Variants in TGFBR1 observed in about 807,000 individuals in gnomAD.
TGFBR1 encodes the protein transforming growth factor beta receptor 1.
Under a neutral mutation model 55.1 loss-of-function variants are expected in TGFBR1, and 20 were observed. The ratio of observed to expected loss-of-function variants is 0.36; its 90% CI spans 0.26 to 0.53. The LOEUF (loss-of-function observed/expected upper bound fraction) is 0.53, where lower values mean the gene tolerates loss of function less well. Ranked by LOEUF, TGFBR1 falls within the 20% of genes least tolerant of loss-of-function variation. The pLI is 0.91. For missense variants in TGFBR1, 385 were observed against 617.6 expected (o/e 0.62, Z 3.99); for synonymous variants, 220 against 214.8 (o/e 1.02, Z -0.21).
intron 7 of TGFBR1, 56 bp from the exon 8 acceptor site, chr9:99,147,598 C>A: frequency 6.5e-7 from 1 of 1,536,036 alleles, no homozygotes; most frequent in Non-Finnish European, 9.0e-7. Context: ...TCTTTTAATG[C>A]CTTGGCATTA....
At chr9:99,118,182 T>C (rs1348773328) in intron 1 of TGFBR1, among the ~76,000 whole-genome samples, 1 of 152,214 alleles carries the variant, frequency 6.6e-6, no homozygotes, top group Non-Finnish European at 1.5e-5. Context: ...AGTAACCTTA[T>C]ATTAGTGACC....
chr9:99,146,528 C>A lies in TGFBR1; in HGVS notation c.1174C>A (p.His392Asn). The A allele has an allele frequency of 1.2e-6, 2 of 1,613,898 alleles. No homozygotes were observed. Among genetic ancestry groups the A allele is most frequent in the East Asian group, 4.5e-5 (2 of 44,874 alleles). The stretch of plus-strand genomic sequence containing the variant: ...TCTCGATGATTCCATAAATATGAAA[C>A]ATTTTGAATCCTTCAAACGTGCTGA... ...EVLDDSINMK[H>N]FESFKRADIY... The change falls in exon 7 of 9, where the codon CAT (histidine) becomes AAT (asparagine). Residue 392 changes from histidine (H) to asparagine (N), a missense_variant. By Grantham distance (68) the His-to-Asn change is moderately conservative. Transcript: ENST00000374994.
upstream of TGFBR1, among the ~76,000 whole-genome samples, chr9:99,103,834 G>C (rs900508709): frequency 5.3e-5 from 8 of 152,218 alleles, no homozygotes; most frequent in Non-Finnish European, 8.8e-5. Context: ...CCGGAAGGAA[G>C]CCTTCACAGG....
At chr9:99,126,591 A>G (rs957282469) in intron 1 of TGFBR1, among the ~76,000 whole-genome samples, 2 of 152,354 alleles carry the variant, frequency 1.3e-5, no homozygotes, top group Admixed American at 6.5e-5. Flanking sequence ...TGTGGGTCAC[A>G]GACTCCATTG....
intron 7 of TGFBR1, among the ~76,000 whole-genome samples, chr9:99,147,253 A>C (rs924163279): frequency 1.3e-5 from 2 of 152,166 alleles, no homozygotes; most frequent in South Asian, 4.1e-4. Context: ...GGGACTTGGC[A>C]CCTTAAACTT....
intron 4 of TGFBR1, among the ~76,000 whole-genome samples, chr9:99,139,620 G>A (rs765520903): frequency 6.6e-6 from 1 of 152,124 alleles, no homozygotes; most frequent in Non-Finnish European, 1.5e-5. Flanking sequence ...AATGTAATTT[G>A]TATCTTCAAA....
chr9:99,106,195 A>C (rs1253116897), intron 1 of TGFBR1, among the ~76,000 whole-genome samples: 1 of 152,198 alleles, frequency 6.6e-6, no homozygotes, highest in Non-Finnish European at 1.5e-5. Flanking sequence ...CTTGAGTGAC[A>C]GTTAATAGTT....
At position 99,120,685 on chromosome 9, in the gene TGFBR1, A is replaced by G. The variant is rs11568752; in HGVS notation, c.98-8170A>G. 0.037 allele frequency among the ~76,000 whole-genome samples: 5,589 copies of G among 152,308 alleles called. 621 individuals are homozygous for G. The East Asian group carries it at 0.42, about 11-fold the overall frequency. On this transcript the variant is annotated intron_variant, in intron 1 of 8. Transcript: ENST00000374994. ...CATAGGTTGTTTTCAATCATAAAAT[A>G]CTGTAATGAACATCTGCAAGTTTAG...
At chr9:99,137,553 C>T (rs1827475494) in intron 3 of TGFBR1, among the ~76,000 whole-genome samples, 1 of 152,156 alleles carries the variant, frequency 6.6e-6, no homozygotes, top group Admixed American at 6.5e-5. Context: ...TTTCCCTCTA[C>T]CTTTGCCTGC....
intron 1 of TGFBR1, 70 bp from the exon 2 acceptor site, chr9:99,128,785 A>C: frequency 6.4e-7 from 1 of 1,573,904 alleles, no homozygotes; most frequent in Non-Finnish European, 8.7e-7. Context: ...ATGTATTATT[A>C]GAGTGAATAT....
At position 99,142,875 on chromosome 9, in the gene TGFBR1, A is replaced by G. The variant is rs537791553; in HGVS notation, c.973+172A>G. ...GGAGTTCATGGCCAGCCTGGGCAAC[A>G]TGACAAAACCGCATCTCTACCAACA... On this transcript the variant is annotated intron_variant, in intron 5 of 8. Coordinates refer to ENST00000374994, the MANE Select transcript of TGFBR1 (RefSeq NM_004612.4). Among the ~76,000 whole-genome samples the G allele has an allele frequency of 5.3e-5, 8 of 152,276 alleles. No homozygotes were observed. In the South Asian group the frequency reaches 1.0e-3, roughly 20 times the overall value.
At chr9:99,111,280 T>C (rs892711823) in intron 1 of TGFBR1, among the ~76,000 whole-genome samples, 28 of 144,484 alleles carry the variant, frequency 1.9e-4, no homozygotes, top group African/African-American at 7.1e-4. Context: ...ACATTTGGCA[T>C]ATCCTGCACC....
chr9:99,115,405 A>G (rs1325554817), intron 1 of TGFBR1, among the ~76,000 whole-genome samples: 2 of 152,246 alleles, frequency 1.3e-5, no homozygotes, highest in Non-Finnish European at 2.9e-5. Context: ...CTACATTATA[A>G]GATTCTTAAA....
intron 3 of TGFBR1, among the ~76,000 whole-genome samples, chr9:99,133,254 A>G (rs1335064716): frequency 6.6e-6 from 1 of 152,218 alleles, no homozygotes; most frequent in Non-Finnish European, 1.5e-5. Context: ...TTAAAATTAA[A>G]CTAATGAACT....
chr9:99,122,460 A>G (rs1291595574), intron 1 of TGFBR1, among the ~76,000 whole-genome samples: 1 of 152,072 alleles, frequency 6.6e-6, no homozygotes, highest in Non-Finnish European at 1.5e-5. Context: ...GACGTACTGA[A>G]ATGAGGCAAC....
intron 2 of TGFBR1, among the ~76,000 whole-genome samples, chr9:99,129,784 C>T (rs1827161518): frequency 6.6e-6 from 1 of 152,014 alleles, no homozygotes; most frequent in African/African-American, 2.4e-5. Context: ...CTTGTAATCC[C>T]ACCTACTTGG....
chr9:99,104,848 C>T (rs1326365037), upstream of TGFBR1, among the ~76,000 whole-genome samples: 2 of 152,136 alleles, frequency 1.3e-5, no homozygotes, highest in Non-Finnish European at 2.9e-5. Flanking sequence ...GCTGGCAGAC[C>T]CCGCCCCCAC....
rs1298306567 is a variant in TGFBR1, at chr9:99,149,797, C to CT, written c.*493dup. 5 of 231,054 alleles carry CT rather than the reference C, an allele frequency of 2.2e-5. No individual in the cohort carries two copies. Among genetic ancestry groups the CT allele is most frequent in the South Asian group, 1.5e-4 (1 of 6,748 alleles). The allele number at this position is 231,054 out of a possible 1,614,324, so 14.3% of individuals were successfully genotyped here. A position where few individuals can be genotyped will look rare whatever the true frequency, so the allele number is the denominator to read the frequency against. ...TCTATAGTTTTTCAGGATCTTAAAA[C>CT]TAACACTTATAAAACTCTTATCTTG... On this transcript the variant is annotated 3_prime_UTR_variant, in exon 9 of 9. Coordinates refer to ENST00000374994, the MANE Select transcript of TGFBR1 (RefSeq NM_004612.4).
chr9:99,128,089 A>G, intron 1 of TGFBR1: 1 of 445,310 alleles, frequency 2.2e-6, no homozygotes, highest in Non-Finnish European at 4.5e-6. Flanking sequence ...GGTGTTGGTG[A>G]TAATTAGAAG....
Sources: allele counts gnomAD v4.1 joint callset (sites outside exome capture counted in the v4.1 genomes callset), GRCh38; gene constraint gnomAD v4.1.1; transcripts MANE v1.5; gene names NCBI Gene and HGNC (gene_info 2026-07-23, HGNC 2026-07-21).